The following LGR4 variants were observed in gnomAD, a reference collection of about 807,000 sequenced individuals.
The protein encoded by LGR4 is leucine rich repeat containing G protein-coupled receptor 4, also known as leucine-rich repeat-containing G protein-coupled receptor 4.
Under a neutral mutation model 84.8 loss-of-function variants are expected in LGR4, and 44 were observed. The observed-to-expected ratio is 0.52, with a 90% CI of 0.41 to 0.67. The LOEUF is 0.67. LGR4 is among the 30% of genes least tolerant of loss of function. The pLI is 0.00. For synonymous variants in LGR4, 429 were observed against 434.3 expected (o/e 0.99, Z 0.15); for missense variants, 1,032 against 1,131.4 (o/e 0.91, Z 1.26).
intron 1 of LGR4, among the ~76,000 whole-genome samples, chr11:27,419,020 T>C (rs969731367): frequency 6.6e-6 from 1 of 152,042 alleles, no homozygotes; most frequent in Non-Finnish European, 1.5e-5. Flanking sequence ...TTATTATTTG[T>C]AGAGACCAGG....
intron 2 of LGR4, among the ~76,000 whole-genome samples, chr11:27,398,028 C>T (rs1289453150): frequency 6.6e-6 from 1 of 152,214 alleles, no homozygotes; most frequent in African/African-American, 2.4e-5. Context: ...TGCAATGTCT[C>T]TATGAATCTC....
intron 2 of LGR4, among the ~76,000 whole-genome samples, chr11:27,403,103 T>G (rs1863534955): frequency 6.6e-6 from 1 of 152,196 alleles, no homozygotes. Context: ...AGAGCTAAAT[T>G]TGGCAAGCCA....
intron 11 of LGR4, among the ~76,000 whole-genome samples, chr11:27,378,200 C>T (rs1468400622): frequency 6.6e-6 from 1 of 152,160 alleles, no homozygotes; most frequent in African/African-American, 2.4e-5. Flanking sequence ...CTATCTCCTG[C>T]CACTGAGTAC....
rs771683185 is a variant in LGR4 at position 27,392,528 on chromosome 11, A to G, written c.258-10T>C. The G allele has an allele frequency of 3.4e-5, 52 of 1,539,914 alleles. No homozygotes were observed. In the South Asian group the frequency reaches 6.5e-4, roughly 19 times the overall value. On this transcript the variant is annotated splice_polypyrimidine_tract_variant and intron_variant, in intron 2 of 17. Coordinates refer to ENST00000379214, the MANE Select transcript of LGR4 (RefSeq NM_018490.5). Reference sequence around the variant, plus strand: ...GTTGCCCGCCAATTGTCTAGAGAAAAAAAAAAAAAAAGTAGCAAGAAAAAA... The same window carrying G: ...GTTGCCCGCCAATTGTCTAGAGAAAGAAAAAAAAAAAGTAGCAAGAAAAAA...
At chr11:27,423,895 C>T (rs1046270579) in intron 1 of LGR4, among the ~76,000 whole-genome samples, 1 of 152,132 alleles carries the variant, frequency 6.6e-6, no homozygotes, top group Non-Finnish European at 1.5e-5. Flanking sequence ...GAGAAAACAA[C>T]GTGCTACCAT....
chr11:27,369,196 T>A, intron 17 of LGR4, 53 bp from the exon 18 acceptor site: 3 of 1,384,458 alleles, frequency 2.2e-6, no homozygotes, highest in Non-Finnish European at 2.9e-6. Flanking sequence ...TAGAAAACAA[T>A]TTAGAAAATG....
chr11:27,463,662 T>C (rs560037894), intron 1 of LGR4, among the ~76,000 whole-genome samples: 1 of 152,184 alleles, frequency 6.6e-6, no homozygotes, highest in South Asian at 2.1e-4. Context: ...AGCAGGTGCC[T>C]GTAATCCCAG....
chr11:27,423,251 A>G (rs867572342), intron 1 of LGR4, among the ~76,000 whole-genome samples: 13 of 152,190 alleles, frequency 8.5e-5, no homozygotes, highest in African/African-American at 3.1e-4. Context: ...CACTGACCTC[A>G]TTATGTTGAG....
chr11:27,371,732 A>C (rs1283944841), intron 16 of LGR4, 34 bp from the exon 17 acceptor site: 2 of 1,463,080 alleles, frequency 1.4e-6, no homozygotes, highest in Non-Finnish European at 1.9e-6. Flanking sequence ...TTTAATTAAA[A>C]CCTTATGCAA....
At chr11:27,443,285 C>T (rs1437844790) in intron 1 of LGR4, among the ~76,000 whole-genome samples, 1 of 152,186 alleles carries the variant, frequency 6.6e-6, no homozygotes, top group Non-Finnish European at 1.5e-5. Context: ...CCTGTTATTA[C>T]ACACTCAAGT....
intron 1 of LGR4, among the ~76,000 whole-genome samples, chr11:27,457,618 T>C (rs1864597654): frequency 6.6e-6 from 1 of 152,250 alleles, no homozygotes; most frequent in Non-Finnish European, 1.5e-5. Context: ...CAACATTTTC[T>C]TATAAACATA....
intron 1 of LGR4, among the ~76,000 whole-genome samples, chr11:27,423,422 A>C (rs1193289522): frequency 6.6e-6 from 1 of 151,654 alleles, no homozygotes; most frequent in African/African-American, 2.4e-5. Context: ...AGGCGTGCAG[A>C]CTCCCCTCCC....
chr11:27,395,701 TTAG>T (rs1192399806), intron 2 of LGR4, among the ~76,000 whole-genome samples: 1 of 152,196 alleles, frequency 6.6e-6, no homozygotes. Flanking sequence ...ACTTAGTTTG[TTAG>T]TAGAGTAAAC....
chr11:27,402,535 T>C (rs1863523329), intron 2 of LGR4, among the ~76,000 whole-genome samples: 1 of 152,186 alleles, frequency 6.6e-6, no homozygotes, highest in African/African-American at 2.4e-5. Context: ...AAGTTACTTT[T>C]AATTGAGTTT....
chr11:27,374,429 C>T (rs1025954068), intron 13 of LGR4, among the ~76,000 whole-genome samples: 1 of 152,074 alleles, frequency 6.6e-6, no homozygotes, highest in African/African-American at 2.4e-5. Context: ...TATTGTTTGC[C>T]TTCTCAAAGG....
intron 10 of LGR4, among the ~76,000 whole-genome samples, chr11:27,379,564 C>T (rs78960474): frequency 0.047 from 7,154 of 152,202 alleles, 257 homozygotes; most frequent in Non-Finnish European, 0.062. Context: ...TATCTTGTCA[C>T]ATGTGACCAT....
chr11:27,471,524 G>T (rs1351424853), intron 1 of LGR4, among the ~76,000 whole-genome samples: 1 of 152,250 alleles, frequency 6.6e-6, no homozygotes, highest in Non-Finnish European at 1.5e-5. Context: ...GTCCCGAGTG[G>T]AACTGGGCCG....
chr11:27,466,975 G>A (rs912924236), intron 1 of LGR4, among the ~76,000 whole-genome samples: 1 of 151,684 alleles, frequency 6.6e-6, no homozygotes, highest in African/African-American at 2.4e-5. Context: ...AAGTAGAGAC[G>A]GGGTTTCACC....
chr11:27,375,121 CA>C lies in LGR4; in HGVS notation c.1182-1076del, dbSNP rs539252061. On this transcript the variant is annotated intron_variant, in intron 13 of 17. Transcript: ENST00000379214. ...CAACATAGGGAGACCCCATCTCTAC[CA>C]AAAAAAAAAAAAAGAAAAAAATTAG... Among the ~76,000 whole-genome samples, 319 of 123,742 alleles carry C rather than the reference CA, an allele frequency of 2.6e-3. 2 individuals are homozygous for C. The highest frequency in any genetic ancestry group is 0.019 in the South Asian group (75 of 3,862). The allele number at this position is 123,742 out of a possible 152,430, so 81.2% of individuals were successfully genotyped here.
Sources: allele counts gnomAD v4.1 joint callset (sites outside exome capture counted in the v4.1 genomes callset), GRCh38; gene constraint gnomAD v4.1.1; transcripts MANE v1.5; gene names NCBI Gene and HGNC (gene_info 2026-07-23, HGNC 2026-07-21).